Variants in GPR89B observed in about 807,000 individuals in gnomAD.
The protein encoded by GPR89B is G protein-coupled receptor 89B.
GPR89B carries 25 observed loss-of-function variants against 52.4 expected under a neutral mutation model. That is an observed-to-expected ratio of 0.48 (90% CI 0.35 to 0.67). GPR89B has a LOEUF of 0.67. Among genes scored for constraint, GPR89B ranks in the 30% least tolerant of loss-of-function variants. The pLI is 0.01. For missense variants in GPR89B, 146 were observed against 450.2 expected (o/e 0.32, Z 6.11); for synonymous variants, 52 against 151.2 (o/e 0.34, Z 4.81).
At chr1:147,957,678 A>C (rs1171689628) in intron 7 of GPR89B, among the ~76,000 whole-genome samples, 1 of 151,660 alleles carries the variant, frequency 6.6e-6, no homozygotes, top group Admixed American at 6.6e-5. Flanking sequence ...TTTGAATTGC[A>C]TGAGTATTTT....
intron 12 of GPR89B, among the ~76,000 whole-genome samples, chr1:147,989,755 A>G (rs1658922547): frequency 6.6e-6 from 1 of 152,206 alleles, no homozygotes; most frequent in Non-Finnish European, 1.5e-5. Context: ...TACAAAGGAC[A>G]TGAACTCATC....
At chr1:147,995,477 A>G (rs1235578472), downstream of GPR89B, 2 of 1,147,388 alleles carry the variant, frequency 1.7e-6, no homozygotes, top group Non-Finnish European at 2.5e-6. Context: ...TTATCTTTAC[A>G]TTGTCATTTT....
At chr1:148,007,230 C>G in the GPR89B span, among the ~76,000 whole-genome samples, 1 of 147,502 alleles carries the variant, frequency 6.8e-6, no homozygotes, top group Non-Finnish European at 1.5e-5. Flanking sequence ...CGCCCACCAC[C>G]ACACCCGGCT....
chr1:148,023,048 G>T, the GPR89B span, among the ~76,000 whole-genome samples: 1 of 151,842 alleles, frequency 6.6e-6, no homozygotes, highest in African/African-American at 2.4e-5. Context: ...CAGGTAGTTC[G>T]CATAGTACCC....
At chr1:148,006,804 C>G in the GPR89B span, among the ~76,000 whole-genome samples, 1 of 151,886 alleles carries the variant, frequency 6.6e-6, no homozygotes, top group Admixed American at 6.6e-5. Flanking sequence ...GCAACCTCTG[C>G]CTCCCCGGTT....
chr1:148,023,090 CT>C, the GPR89B span, among the ~76,000 whole-genome samples: 1 of 151,454 alleles, frequency 6.6e-6, no homozygotes, highest in South Asian at 2.1e-4. Context: ...CTCTCCCTCC[CT>C]CCCTACCTAC....
the GPR89B span, among the ~76,000 whole-genome samples, chr1:148,019,825 G>A: frequency 1.3e-5 from 2 of 151,958 alleles, no homozygotes; most frequent in Non-Finnish European, 2.9e-5. Context: ...GCCGACCAGG[G>A]CCAGGTGAAG....
chr1:147,930,320 T>C (rs6593834), intron 1 of GPR89B, among the ~76,000 whole-genome samples: 1 of 152,236 alleles, frequency 6.6e-6, no homozygotes, highest in East Asian at 1.9e-4. Context: ...TTAGGAAGGT[T>C]TTACCTGACA....
intron 12 of GPR89B, among the ~76,000 whole-genome samples, chr1:147,991,369 A>G (rs1183177529): frequency 5.9e-5 from 9 of 152,128 alleles, no homozygotes; most frequent in South Asian, 2.1e-4. Flanking sequence ...GGGGTTTTCT[A>G]TATATACAGT....
intron 5 of GPR89B, among the ~76,000 whole-genome samples, chr1:147,949,285 C>T (rs587618576): frequency 6.6e-6 from 1 of 151,748 alleles, no homozygotes; most frequent in East Asian, 1.9e-4. Context: ...GTACACCTCC[C>T]AGACAGGGTG....
At chr1:147,958,081 A>AC (rs1304097918) in intron 7 of GPR89B, among the ~76,000 whole-genome samples, 1 of 152,030 alleles carries the variant, frequency 6.6e-6, no homozygotes, top group East Asian at 1.9e-4. Context: ...AAAAAAAAAA[A>AC]GAATGATAAA....
chr1:147,945,886 G>A (rs1292304486), intron 5 of GPR89B, among the ~76,000 whole-genome samples: 10 of 151,400 alleles, frequency 6.6e-5, no homozygotes, highest in South Asian at 2.1e-4. Context: ...CACCATACCC[G>A]GCTAATTTTG....
In GPR89B at chr1:147,952,112, G is replaced by A. The variant is rs142164883; in HGVS notation, c.416-1233G>A. On this transcript the variant is annotated intron_variant, in intron 5 of 13. Coordinates refer to ENST00000314163, the MANE Select transcript of GPR89B (RefSeq NM_016334.5). ...AGGACAAAGGTAGGAAAAATAAAGAGTAACTGCCAAAGGCAATGGAGAGAG... is the reference window on the plus strand; with the variant it reads ...AGGACAAAGGTAGGAAAAATAAAGAATAACTGCCAAAGGCAATGGAGAGAG... Among the ~76,000 whole-genome samples, 5 of 152,192 alleles carry A rather than the reference G, an allele frequency of 3.3e-5. No individual in the cohort carries two copies. The East Asian group carries it at 9.6e-4, about 29-fold the overall frequency.
At chr1:147,947,672 C>T (rs1655095223) in intron 5 of GPR89B, among the ~76,000 whole-genome samples, 1 of 151,920 alleles carries the variant, frequency 6.6e-6, no homozygotes. Flanking sequence ...GACAAAGACA[C>T]CATGTTAAAA....
chr1:147,985,964 T>C (rs1320724617), intron 10 of GPR89B, among the ~76,000 whole-genome samples: 2 of 152,266 alleles, frequency 1.3e-5, no homozygotes, highest in Non-Finnish European at 2.9e-5. Flanking sequence ...GTAGCTTTAT[T>C]CCCATTGACT....
intron 10 of GPR89B, among the ~76,000 whole-genome samples, chr1:147,983,016 C>T (rs1251461762): frequency 1.3e-5 from 2 of 152,126 alleles, no homozygotes; most frequent in South Asian, 2.1e-4. Flanking sequence ...CCTCAGAAAT[C>T]ACGCCGCATA....
intron 7 of GPR89B, among the ~76,000 whole-genome samples, chr1:147,959,514 T>G (rs1656378880): frequency 6.6e-6 from 1 of 152,076 alleles, no homozygotes; most frequent in Non-Finnish European, 1.5e-5. Flanking sequence ...AGTTGATAGC[T>G]TTCTTGCCTG....
rs192911425 is a variant in GPR89B at position 147,936,454 on chromosome 1, T to C, written c.43-173T>C. On this transcript the variant is annotated intron_variant, in intron 1 of 13. Coordinates refer to ENST00000314163, the MANE Select transcript of GPR89B (RefSeq NM_016334.5). Reference sequence around the variant, plus strand: ...CAAAACTCCAAGGGCATTTAAAAATTTATTTCCAATGTCATGAGCTTTAAT... The same window carrying C: ...CAAAACTCCAAGGGCATTTAAAAATCTATTTCCAATGTCATGAGCTTTAAT... 5.9e-5 allele frequency among the ~76,000 whole-genome samples: 9 copies of C among 152,368 alleles called. No individual in the cohort carries two copies. In the East Asian group the frequency reaches 9.6e-4, roughly 16 times the overall value.
chr1:147,947,412 T>A (rs1301412980), intron 5 of GPR89B, among the ~76,000 whole-genome samples: 1 of 150,432 alleles, frequency 6.6e-6, no homozygotes, highest in Non-Finnish European at 1.5e-5. Context: ...TCTTGTGCTG[T>A]GTCTGAACCA....
Sources: allele counts gnomAD v4.1 joint callset (sites outside exome capture counted in the v4.1 genomes callset), GRCh38; gene constraint gnomAD v4.1.1; transcripts MANE v1.5; gene names NCBI Gene and HGNC (gene_info 2026-07-23, HGNC 2026-07-21).